Variants in ADRA1B observed in about 807,000 individuals in gnomAD.
The protein encoded by ADRA1B is alpha-1B adrenergic receptor.
A neutral mutation model predicts 17.9 loss-of-function variants in ADRA1B; 17 were observed. The observed-to-expected ratio is 0.95, with a 90% CI of 0.65 to 1.42. The LOEUF is 1.42. Ranked by LOEUF, ADRA1B falls within the 40% of genes most tolerant of loss-of-function variation. The probability of loss-of-function intolerance (pLI) is 0.00; values close to 1 mark genes in which losing one functional copy is unlikely to be tolerated. For missense variants in ADRA1B, 681 were observed against 722.1 expected, an observed-to-expected ratio of 0.94 and a Z score of 0.65; for synonymous variants, 366 against 327.6, an observed-to-expected ratio of 1.12 and a Z score of -1.27.
At chr5:159,943,441 A>C (rs1755188620) in intron 1 of ADRA1B, among the ~76,000 whole-genome samples, 1 of 152,140 alleles carries the variant, frequency 6.6e-6, no homozygotes. Context: ...AAGTAAACCC[A>C]CGGGGCCAGT....
rs1755657091 is a variant in ADRA1B, at chr5:159,961,064, G to A, written c.950-10815G>A. 2.6e-5 allele frequency among the ~76,000 whole-genome samples: 4 copies of A among 152,172 alleles called. No homozygotes were observed. In the South Asian group the frequency reaches 6.2e-4, roughly 24 times the overall value. ...ATTTTAGTTTCAGAAAAAGTGCTTTGACAATTCAGCATTCCCAGTTAAGGG... is the reference window on the plus strand; with the variant it reads ...ATTTTAGTTTCAGAAAAAGTGCTTTAACAATTCAGCATTCCCAGTTAAGGG... On this transcript the variant is annotated intron_variant, in intron 1 of 1. Coordinates refer to ENST00000306675, the MANE Select transcript of ADRA1B (RefSeq NM_000679.4).
At position 159,972,107 on chromosome 5, in the gene ADRA1B, G is replaced by C. The variant is rs989832048; in HGVS notation, c.1178G>C (p.Arg393Pro). The change falls in exon 2 of 2, where the codon CGC (arginine) becomes CCC (proline). Residue 393 changes from arginine to proline, a missense_variant. Transcript: ENST00000306675. Reference sequence around the variant, plus strand: ...GCCTACACCTACCGGCCGTGGACGCGCGGCGGCTCGCTGGAGCGCTCGCAG... The same window carrying C: ...GCCTACACCTACCGGCCGTGGACGCCCGGCGGCTCGCTGGAGCGCTCGCAG... ...GCAYTYRPWTRGGSLERSQSR... is the reference protein window; with the variant it reads ...GCAYTYRPWTPGGSLERSQSR... 2 of 1,296,738 alleles carry C rather than the reference G, an allele frequency of 1.5e-6. No individual in the cohort carries two copies. The highest frequency in any genetic ancestry group is 3.1e-5 in the African/African-American group (2 of 64,098). The allele number at this position is 1,296,738 out of a possible 1,614,324, so 80.3% of individuals were successfully genotyped here.
intron 1 of ADRA1B, chr5:159,948,519 C>G: frequency 1.0e-6 from 1 of 956,384 alleles, no homozygotes. Context: ...TGCGTGTTTT[C>G]ATTGTAGAAA....
intron 1 of ADRA1B, among the ~76,000 whole-genome samples, chr5:159,943,815 A>G (rs964730313): frequency 3.3e-5 from 5 of 151,940 alleles, no homozygotes; most frequent in Admixed American, 1.3e-4. Flanking sequence ...TTGTAATTAA[A>G]ATTTTGTGAT....
intron 1 of ADRA1B, among the ~76,000 whole-genome samples, chr5:159,939,252 GGAGA>G (rs67704328): frequency 1.3e-3 from 126 of 99,816 alleles, no homozygotes; most frequent in South Asian, 6.9e-3. Flanking sequence ...TTTCTTTGAA[GGAGA>G]GAGAGAGAGA....
intron 1 of ADRA1B, among the ~76,000 whole-genome samples, chr5:159,884,313 G>A (rs1561582084): frequency 6.6e-6 from 1 of 152,208 alleles, no homozygotes; most frequent in Non-Finnish European, 1.5e-5. Flanking sequence ...ACAGTGTTGA[G>A]AGGTGGGACT....
intron 1 of ADRA1B, among the ~76,000 whole-genome samples, chr5:159,970,398 G>A (rs1472453176): frequency 6.6e-6 from 1 of 151,940 alleles, no homozygotes; most frequent in Non-Finnish European, 1.5e-5. Context: ...ATCTTTCCAC[G>A]TGGTCATGCA....
chr5:159,893,489 G>A (rs914030766), intron 1 of ADRA1B, among the ~76,000 whole-genome samples: 2 of 152,224 alleles, frequency 1.3e-5, no homozygotes, highest in African/African-American at 4.8e-5. Flanking sequence ...AAGACTGATA[G>A]CTGAGTATGT....
At chr5:159,943,501 A>G (rs1449472567) in intron 1 of ADRA1B, among the ~76,000 whole-genome samples, 1 of 152,052 alleles carries the variant, frequency 6.6e-6, no homozygotes, top group Non-Finnish European at 1.5e-5. Context: ...GAATGTCCCT[A>G]ACTCCACAGC....
At chr5:159,885,790 A>C (rs973429129) in intron 1 of ADRA1B, among the ~76,000 whole-genome samples, 1 of 152,238 alleles carries the variant, frequency 6.6e-6, no homozygotes, top group Non-Finnish European at 1.5e-5. Flanking sequence ...AACGAAAAAC[A>C]TCCCAAGTTA....
intron 1 of ADRA1B, chr5:159,869,416 T>C (rs1467688987): frequency 2.0e-5 from 3 of 152,348 alleles, no homozygotes; most frequent in African/African-American, 7.2e-5. Flanking sequence ...GCAGAACAGG[T>C]GTCCACAGGT....
chr5:159,925,575 C>A (rs1285791096), intron 1 of ADRA1B, among the ~76,000 whole-genome samples: 4 of 152,194 alleles, frequency 2.6e-5, no homozygotes, highest in African/African-American at 4.8e-5. Flanking sequence ...TCTGGTCCTG[C>A]CTCTTGATGC....
chr5:159,945,118 G>A (rs1264475171), intron 1 of ADRA1B, among the ~76,000 whole-genome samples: 6 of 152,140 alleles, frequency 3.9e-5, no homozygotes, highest in East Asian at 3.9e-4. Context: ...GGTGGCTCAC[G>A]CCTATAATCC....
At position 159,881,299 on chromosome 5, in the gene ADRA1B, T is replaced by TTCTCTCTGTCTCTCTC. The variant is rs56069000; in HGVS notation, c.-256+16100_-256+16101insGTCTCTCTCTCTCTCT. ...GTGGAATGAGAACAATATCAGAAAG[T>TTCTCTCTGTCTCTCTC]TCTCTCTCTCTCTCTCTCTCTCTCT... On this transcript the variant is annotated intron_variant, in intron 1 of 2. Transcript: ENST00000641205. Among the ~76,000 whole-genome samples the TTCTCTCTGTCTCTCTC allele has an allele frequency of 7.0e-3, 931 of 132,058 alleles. 69 individuals carry two copies. Among genetic ancestry groups the TTCTCTCTGTCTCTCTC allele is most frequent in the Middle Eastern group, 0.016 (4 of 244 alleles). The allele number at this position is 132,058 out of a possible 152,430, so 86.6% of individuals were successfully genotyped here. A position where few individuals can be genotyped will look rare whatever the true frequency, so the allele number is the denominator to read the frequency against.
At chr5:159,924,180 A>C (rs1462546502) in intron 1 of ADRA1B, among the ~76,000 whole-genome samples, 1 of 152,228 alleles carries the variant, frequency 6.6e-6, no homozygotes, top group Non-Finnish European at 1.5e-5. Flanking sequence ...ATTTCATGTA[A>C]ATGATTCTTT....
At chr5:159,951,554 G>A (rs546188669) in intron 1 of ADRA1B, 7 of 558,898 alleles carry the variant, frequency 1.3e-5, no homozygotes, top group Non-Finnish European at 2.3e-5. Context: ...TCTGTCGAAC[G>A]GGAGGAGCAG....
At chr5:159,921,183 C>A (rs1005569450) in intron 1 of ADRA1B, among the ~76,000 whole-genome samples, 2 of 152,182 alleles carry the variant, frequency 1.3e-5, no homozygotes, top group East Asian at 1.9e-4. Flanking sequence ...GAGCTCTCCC[C>A]ACCTGGGACA....
intron 1 of ADRA1B, among the ~76,000 whole-genome samples, chr5:159,885,761 T>C: frequency 6.6e-6 from 1 of 152,236 alleles, no homozygotes; most frequent in East Asian, 1.9e-4. Flanking sequence ...CACTTTGAGC[T>C]GGAGGTTTGA....
At chr5:159,962,305 G>C (rs1211801105) in intron 1 of ADRA1B, among the ~76,000 whole-genome samples, 2 of 152,212 alleles carry the variant, frequency 1.3e-5, no homozygotes, top group African/African-American at 4.8e-5. Context: ...CGAGGGGGCT[G>C]CTGGGGGCTT....
Sources: allele counts gnomAD v4.1 joint callset (sites outside exome capture counted in the v4.1 genomes callset), GRCh38; gene constraint gnomAD v4.1.1; transcripts MANE v1.5; gene names NCBI Gene and HGNC (gene_info 2026-07-23, HGNC 2026-07-21).